CORO7: variants seen among roughly 807,000 people sequenced by gnomAD.
The protein encoded by CORO7 is coronin 7.
In CORO7, 107 loss-of-function variants were observed where a neutral mutation model predicts 126.6. The observed-to-expected ratio is 0.85, with a 90% confidence interval of 0.72 to 0.99. The LOEUF is 0.99. Ranked by LOEUF, CORO7 falls within the 50% of genes least tolerant of loss-of-function variation. The probability of loss-of-function intolerance (pLI) is 0.00; values close to 1 mark genes in which losing one functional copy is unlikely to be tolerated. For missense variants in CORO7, 1,314 were observed against 1,255.8 expected (o/e 1.05, Z -0.70); for synonymous variants, 603 against 536.8 (o/e 1.12, Z -1.70).
chr16:4,405,572 A>C lies in CORO7; in HGVS notation c.488-5T>G, dbSNP rs761516890. On this transcript the variant is annotated splice_region_variant and splice_polypyrimidine_tract_variant and intron_variant, in intron 5 of 27. Transcript: ENST00000251166. ...GGTCCCCATGGGCTGCCAGCTCTGC[A>C]GAGAAGCAGTCACAGTCAGGTCCCG... 5.0e-6 allele frequency: 8 copies of C among 1,612,258 alleles called. No individual in the cohort carries two copies. Among genetic ancestry groups the C allele is most frequent in the Non-Finnish European group, 6.8e-6 (8 of 1,179,672 alleles).
At chr16:4,393,262 A>G (rs2055461999) in intron 7 of CORO7, among the ~76,000 whole-genome samples, 1 of 152,192 alleles carries the variant, frequency 6.6e-6, no homozygotes, top group African/African-American at 2.4e-5. Context: ...GGCACCTTCA[A>G]GCTGAGCCTG....
rs1317411976 is a variant in CORO7 at position 4,355,112 on chromosome 16, C to T, written c.*46G>A. 6.8e-6 allele frequency: 10 copies of T among 1,478,612 alleles called. No individual in the cohort carries two copies. Among genetic ancestry groups the T allele is most frequent in the Admixed American group, 4.8e-5 (2 of 41,318 alleles). The allele number at this position is 1,478,612 out of a possible 1,614,324, so 91.6% of individuals were successfully genotyped here. A position where few individuals can be genotyped will look rare whatever the true frequency, so the allele number is the denominator to read the frequency against. The stretch of plus-strand genomic sequence containing the variant: ...TTGAGGATGAGCCGTGAGGTGTGCA[C>T]TAGGAAGTGGCAGCACAGGTGAGGT... On this transcript the variant is annotated 3_prime_UTR_variant, in exon 28 of 28. Transcript: ENST00000251166.
In CORO7 at chr16:4,361,177, C is replaced by G. The variant is rs1185492363; in HGVS notation, c.1759G>C (p.Glu587Gln). 2 of 1,612,956 alleles carry G rather than the reference C, an allele frequency of 1.2e-6. No homozygotes were observed. Among genetic ancestry groups the G allele is most frequent in the South Asian group, 2.2e-5 (2 of 91,080 alleles). ...EGLEEVLTTPETVLTGHTEKI... is the reference protein window; with the variant it reads ...EGLEEVLTTPQTVLTGHTEKI... ...CCTGCCTGACCTGTGAGCACAGTCT[C>G]TGGCGTGGTGAGCACCTCTTCCAGG... The change falls in exon 18 of 28, where the codon GAG (glutamate) becomes CAG (glutamine). Residue 587 changes from glutamate to glutamine, a missense_variant. Glu to Gln is a conservative substitution (Grantham distance 29). Coordinates refer to ENST00000251166, the MANE Select transcript of CORO7 (RefSeq NM_024535.5).
At chr16:4,363,806 GT>G (rs1160559377) in intron 14 of CORO7, among the ~76,000 whole-genome samples, 1 of 151,738 alleles carries the variant, frequency 6.6e-6, no homozygotes, top group African/African-American at 2.4e-5. Flanking sequence ...ATCACCTGAG[GT>G]CAGGAGTTCG....
chr16:4,400,005 C>T (rs1185419390), intron 6 of CORO7, among the ~76,000 whole-genome samples: 1 of 152,070 alleles, frequency 6.6e-6, no homozygotes, highest in Non-Finnish European at 1.5e-5. Context: ...TGGAAAAGTC[C>T]AACATACAGA....
chr16:4,372,840 G>A (rs548949943), intron 9 of CORO7, among the ~76,000 whole-genome samples: 6 of 152,304 alleles, frequency 3.9e-5, no homozygotes, highest in African/African-American at 1.4e-4. Context: ...CAGGGTGGAA[G>A]GAAGAGGTCC....
chr16:4,359,441 C>A (rs1280840722), intron 22 of CORO7, 39 bp downstream of exon 22: 1 of 1,613,420 alleles, frequency 6.2e-7, no homozygotes, highest in Admixed American at 1.7e-5. Context: ...TTCCCCCCAC[C>A]ACCTCTCACC....
At chr16:4,395,109 C>T (rs1387446209) in intron 7 of CORO7, among the ~76,000 whole-genome samples, 180 bp downstream of exon 7, 1 of 152,160 alleles carries the variant, frequency 6.6e-6, no homozygotes, top group Non-Finnish European at 1.5e-5. Flanking sequence ...CTCCCAGGAC[C>T]CACAACACAC....
intron 6 of CORO7, among the ~76,000 whole-genome samples, chr16:4,404,703 C>G (rs1337912024): frequency 1.3e-5 from 2 of 152,090 alleles, no homozygotes; most frequent in African/African-American, 4.8e-5. Flanking sequence ...AGGACCGCCA[C>G]GCCTCCCACC....
intron 7 of CORO7, among the ~76,000 whole-genome samples, chr16:4,392,837 C>G (rs556610411): frequency 6.6e-6 from 1 of 152,180 alleles, no homozygotes; most frequent in South Asian, 2.1e-4. Flanking sequence ...GGCCTGCTGC[C>G]CCCGCACCAG....
intron 3 of CORO7, among the ~76,000 whole-genome samples, chr16:4,408,620 C>G (rs181653413): frequency 6.6e-6 from 1 of 152,344 alleles, no homozygotes; most frequent in East Asian, 1.9e-4. Flanking sequence ...TAAGAAATTG[C>G]TTTTTGGTTA....
intron 1 of CORO7, 67 bp downstream of exon 1, chr16:4,416,392 C>T (rs1229986278): frequency 2.0e-6 from 3 of 1,471,516 alleles, no homozygotes; most frequent in Non-Finnish European, 2.7e-6. Context: ...CTGTGGGGTC[C>T]GGGCAGGGGG....
In CORO7 at chr16:4,381,107, G is replaced by A. The variant is rs1218232164; in HGVS notation, c.785+6879C>T. ...GCAGGCAGCTTTGCCGGCCTGCCGGGCCTGCAGCTCCTGGACCTGTCACAG... is the reference window on the plus strand; with the variant it reads ...GCAGGCAGCTTTGCCGGCCTGCCGGACCTGCAGCTCCTGGACCTGTCACAG... On this transcript the variant is annotated intron_variant, in intron 9 of 27. Coordinates refer to ENST00000251166, the MANE Select transcript of CORO7 (RefSeq NM_024535.5). 1.9e-6 allele frequency: 3 copies of A among 1,609,008 alleles called. No individual in the cohort carries two copies. In the Admixed American group the frequency reaches 5.0e-5, roughly 27 times the overall value.
intron 1 of CORO7, among the ~76,000 whole-genome samples, chr16:4,414,916 T>G (rs1456918281): frequency 1.3e-5 from 2 of 152,120 alleles, no homozygotes; most frequent in Admixed American, 1.3e-4. Context: ...GGCTGGTGTG[T>G]AGTGGCACAA....
chr16:4,395,125 A>T (rs2055535816), intron 7 of CORO7, among the ~76,000 whole-genome samples, 164 bp downstream of exon 7: 1 of 152,168 alleles, frequency 6.6e-6, no homozygotes, highest in African/African-American at 2.4e-5. Flanking sequence ...CACACTTCAC[A>T]GGAAGAGCTC....
At chr16:4,385,290 A>C (rs1350865380) in intron 9 of CORO7, among the ~76,000 whole-genome samples, 1 of 152,114 alleles carries the variant, frequency 6.6e-6, no homozygotes, top group Non-Finnish European at 1.5e-5. Flanking sequence ...CAACATGCTC[A>C]CAGTAAGTGG....
At chr16:4,360,636 C>T (rs1459437310) in intron 19 of CORO7, 88 bp from the exon 20 acceptor site, 44 of 1,473,192 alleles carry the variant, frequency 3.0e-5, no homozygotes, top group East Asian at 1.7e-4. Flanking sequence ...TCACTGCTGG[C>T]GCCGCCCCTC....
intron 6 of CORO7, among the ~76,000 whole-genome samples, chr16:4,400,797 C>CAAT (rs373023916): frequency 0.066 from 9,142 of 139,256 alleles, 531 homozygotes; most frequent in African/African-American, 0.15. Context: ...TCCAGCAGTG[C>CAAT]AATAATAATA....
chr16:4,376,959 C>T (rs566401843), intron 9 of CORO7, among the ~76,000 whole-genome samples: 15 of 152,306 alleles, frequency 9.8e-5, no homozygotes, highest in African/African-American at 2.4e-4. Flanking sequence ...TGACGCCCTC[C>T]GCAGTGAATG....
Sources: gnomAD v4.1 joint callset for allele counts (sites outside exome capture counted in the v4.1 genomes callset) on GRCh38, gnomAD v4.1.1 for gene constraint, MANE v1.5 for transcripts, NCBI Gene and HGNC (gene_info 2026-07-23, HGNC 2026-07-21) for gene names.